TRIO: variants seen among roughly 807,000 people sequenced by gnomAD.
TRIO encodes trio Rho guanine nucleotide exchange factor.
A neutral mutation model predicts 351.9 loss-of-function variants in TRIO; 58 were observed. The observed-to-expected ratio is 0.16, with a 90% confidence interval of 0.13 to 0.21. The LOEUF (loss-of-function observed/expected upper bound fraction) is 0.21, where lower values mean the gene tolerates loss of function less well. Among genes scored for constraint, TRIO ranks in the 10% least tolerant of loss-of-function variants. The probability of loss-of-function intolerance (pLI) is 1.00; values close to 1 mark genes in which losing one functional copy is unlikely to be tolerated. For missense variants in TRIO, 3,201 were observed against 4,027.8 expected, an observed-to-expected ratio of 0.79 and a Z score of 5.56; for synonymous variants, 1,758 against 1,595.7, an observed-to-expected ratio of 1.10 and a Z score of -2.42.
rs1756952218 is a variant in TRIO at position 14,497,104 on chromosome 5, G to A, written c.8019+87G>A. The A allele has an allele frequency of 6.5e-6, 10 of 1,540,634 alleles. No individual in the cohort carries two copies. The highest frequency in any genetic ancestry group is 1.4e-5 in the African/African-American group (1 of 72,304). On this transcript the variant is annotated intron_variant, in intron 50 of 56. Transcript: ENST00000344204. This position sits in a 1 kb window ranked among gnomAD's most constrained non-coding sequence, Gnocchi z 4.4. ...GCAGAGACTCTGCAGACCTGAAGCTGGGCTTGCTTATGACCTCCCTCCCAC... is the reference window on the plus strand; with the variant it reads ...GCAGAGACTCTGCAGACCTGAAGCTAGGCTTGCTTATGACCTCCCTCCCAC...
At chr5:14,243,925 G>A (rs1347545585) in intron 1 of TRIO, among the ~76,000 whole-genome samples, 3 of 152,228 alleles carry the variant, frequency 2.0e-5, no homozygotes, top group Non-Finnish European at 2.9e-5. Context: ...TACAATAACA[G>A]CGCCATATGC....
chr5:14,320,803 A>C (rs1739809875), intron 9 of TRIO, among the ~76,000 whole-genome samples: 1 of 152,206 alleles, frequency 6.6e-6, no homozygotes, highest in Admixed American at 6.5e-5. Flanking sequence ...ATAGTTTTGT[A>C]GTCTACTAAA....
chr5:14,504,276 C>A, intron 54 of TRIO, 117 bp from the exon 55 acceptor site: 2 of 1,126,506 alleles, frequency 1.8e-6, no homozygotes, highest in Non-Finnish European at 2.5e-6. Context: ...GCCGGGAGAG[C>A]AGGGCCTCTG....
chr5:14,500,082 C>A (rs1190679852), intron 53 of TRIO, among the ~76,000 whole-genome samples: 1 of 151,646 alleles, frequency 6.6e-6, no homozygotes, highest in Non-Finnish European at 1.5e-5. Context: ...CTATTCATAC[C>A]CTGGAAATGC....
At position 14,382,212 on chromosome 5, in the gene TRIO, G is replaced by A. The variant is rs372980981; in HGVS notation, c.3570+960G>A. Among the ~76,000 whole-genome samples, 3 of 152,314 alleles carry A rather than the reference G, an allele frequency of 2.0e-5. No individual in the cohort carries two copies. The East Asian group carries it at 5.8e-4, about 29-fold the overall frequency. ...GTGTTTCTATAAAGTAGCAAGATTG[G>A]TTATCTCCTGTGGCCCCTACCCTGG... is the stretch of plus-strand genomic sequence containing the variant. On this transcript the variant is annotated intron_variant, in intron 21 of 56. Coordinates refer to ENST00000344204, the MANE Select transcript of TRIO (RefSeq NM_007118.4).
At position 14,461,122 on chromosome 5, in the gene TRIO, G is replaced by C. The variant is rs1753763691; in HGVS notation, c.5307G>C (p.Pro1769=). Residue 1769 remains proline (P), a synonymous_variant, in exon 35 of 57, where the codon CCG becomes CCC. Transcript: ENST00000344204. ...GAQSSPGPKR[P]GNTLRKWLTS... The stretch of plus-strand genomic sequence containing the variant: ...AGAGCTCGCCGGGCCCCAAGCGGCC[G>C]GGCAACACCCTGCGCAAGTGGCTCA... 4 of 1,557,580 alleles carry C rather than the reference G, an allele frequency of 2.6e-6. No homozygotes were observed. The Admixed American group carries it at 7.7e-5, about 30-fold the overall frequency.
At chr5:14,159,856 C>T (rs190937044) in intron 1 of TRIO, among the ~76,000 whole-genome samples, 121 of 152,320 alleles carry the variant, frequency 7.9e-4, no homozygotes, top group African/African-American at 2.7e-3. Context: ...TGAGCCACCG[C>T]GTCCGGCCGA....
chr5:14,337,397 A>G (rs565595980), intron 11 of TRIO, among the ~76,000 whole-genome samples: 2 of 152,256 alleles, frequency 1.3e-5, no homozygotes, highest in Non-Finnish European at 2.9e-5. Context: ...CAGGGTGACT[A>G]CAAATTGAGT....
At chr5:14,379,169 G>C (rs10076528) in intron 20 of TRIO, among the ~76,000 whole-genome samples, 1 of 151,908 alleles carries the variant, frequency 6.6e-6, no homozygotes, top group African/African-American at 2.4e-5. Flanking sequence ...TGGTCTGGGT[G>C]CCTTAAAGTC....
chr5:14,338,030 A>T (rs932400541), intron 11 of TRIO, among the ~76,000 whole-genome samples: 2 of 152,064 alleles, frequency 1.3e-5, no homozygotes, highest in African/African-American at 4.8e-5. Flanking sequence ...AAAAGAGGCT[A>T]TTTTTTTGAG....
intron 38 of TRIO, among the ~76,000 whole-genome samples, chr5:14,471,832 C>T (rs1754712724): frequency 6.6e-6 from 1 of 151,980 alleles, no homozygotes; most frequent in Non-Finnish European, 1.5e-5. Context: ...ACATACTTTA[C>T]TGGTTTCTCA....
At chr5:14,365,012 G>GGCTGTA (rs1744474917) in intron 15 of TRIO, among the ~76,000 whole-genome samples, 196 bp downstream of exon 15, 1 of 152,178 alleles carries the variant, frequency 6.6e-6, no homozygotes, top group Non-Finnish European at 1.5e-5. Flanking sequence ...TGTGAAAAGG[G>GGCTGTA]AGCCAGTGGC....
intron 1 of TRIO, among the ~76,000 whole-genome samples, chr5:14,194,410 C>T (rs899214690): frequency 1.3e-5 from 2 of 152,078 alleles, no homozygotes; most frequent in Admixed American, 1.3e-4. Flanking sequence ...TAATTGTTTT[C>T]TTTCTTTATT....
Position 14,307,246 on chromosome 5 carries a change from T to C in TRIO, c.1500+2654T>C, listed in dbSNP as rs549139365. On this transcript the variant is annotated intron_variant, in intron 8 of 56. Coordinates refer to ENST00000344204, the MANE Select transcript of TRIO (RefSeq NM_007118.4). Reference sequence around the variant, plus strand: ...TCTCTCTCCAGTCAGCAAAGCACCATTGATACAACATGACCATCATCTCCA... The same window carrying C: ...TCTCTCTCCAGTCAGCAAAGCACCACTGATACAACATGACCATCATCTCCA... Among the ~76,000 whole-genome samples, 4 of 152,280 alleles carry C rather than the reference T, an allele frequency of 2.6e-5. No homozygotes were observed. In the East Asian group the frequency reaches 7.7e-4, roughly 29 times the overall value.
intron 1 of TRIO, among the ~76,000 whole-genome samples, chr5:14,233,249 G>A (rs1439992782): frequency 6.7e-6 from 1 of 149,598 alleles, no homozygotes; most frequent in African/African-American, 2.5e-5. Context: ...GGGAAGCCAA[G>A]GCAAGTGGAT....
chr5:14,413,619 C>A (rs779155246), intron 33 of TRIO, among the ~76,000 whole-genome samples: 7 of 151,990 alleles, frequency 4.6e-5, no homozygotes, highest in Admixed American at 4.6e-4. Context: ...TTTTTAAGTT[C>A]TCTCATAAAA....
At chr5:14,281,337 G>A (rs939624337) in intron 3 of TRIO, among the ~76,000 whole-genome samples, 2 of 151,928 alleles carry the variant, frequency 1.3e-5, no homozygotes, top group Admixed American at 6.6e-5. Flanking sequence ...GAGGTAGGGG[G>A]TCAGGTGCCA....
At chr5:14,228,338 C>T (rs925830898) in intron 1 of TRIO, among the ~76,000 whole-genome samples, 14 of 152,210 alleles carry the variant, frequency 9.2e-5, no homozygotes, top group South Asian at 8.3e-4. Flanking sequence ...TGTTCCCTGC[C>T]GGGGGAACAG....
At chr5:14,333,392 C>T (rs529832130) in intron 10 of TRIO, among the ~76,000 whole-genome samples, 22 of 152,256 alleles carry the variant, frequency 1.4e-4, no homozygotes, top group Admixed American at 3.9e-4. Context: ...GATGAAAAGA[C>T]GATCCCTGGG....
Sources: allele counts gnomAD v4.1 joint callset (sites outside exome capture counted in the v4.1 genomes callset), GRCh38; gene constraint gnomAD v4.1.1; non-coding constraint Gnocchi (gnomAD v3.1); transcripts MANE v1.5; gene names NCBI Gene and HGNC (gene_info 2026-07-23, HGNC 2026-07-21).